ERBB4: variants seen among roughly 807,000 people sequenced by gnomAD.
ERBB4 encodes receptor tyrosine-protein kinase erbB-4.
ERBB4 carries 42 observed loss-of-function variants against 158.0 expected under a neutral mutation model. That is an observed-to-expected ratio of 0.27 (90% CI 0.21 to 0.34). ERBB4 has a LOEUF of 0.34. Ranked by LOEUF, ERBB4 falls within the 10% of genes least tolerant of loss-of-function variation. The pLI, the probability that ERBB4 is intolerant of heterozygous loss-of-function variation, is 1.00. For missense variants in ERBB4, 1,333 were observed against 1,624.1 expected, an observed-to-expected ratio of 0.82 and a Z score of 3.08; for synonymous variants, 583 against 558.7, an observed-to-expected ratio of 1.04 and a Z score of -0.61.
intron 19 of ERBB4, among the ~76,000 whole-genome samples, chr2:211,599,046 G>T (rs13016242): frequency 0.77 from 116,616 of 151,666 alleles, 47,716 homozygotes; most frequent in Non-Finnish European, 0.9. Flanking sequence ...GATTAAACAA[G>T]GTAAGATACA....
At chr2:211,794,199 A>G (rs1411114887) in intron 3 of ERBB4, among the ~76,000 whole-genome samples, 1 of 151,946 alleles carries the variant, frequency 6.6e-6, no homozygotes, top group African/African-American at 2.4e-5. Context: ...TACATACTTC[A>G]GTATCCACTA....
intron 3 of ERBB4, among the ~76,000 whole-genome samples, chr2:211,844,789 A>T (rs2077552374): frequency 6.6e-6 from 1 of 152,196 alleles, no homozygotes; most frequent in Admixed American, 6.6e-5. Context: ...TTTTAAATAC[A>T]ATCTATTGAA....
intron 1 of ERBB4, among the ~76,000 whole-genome samples, chr2:212,519,847 C>G (rs1692054611): frequency 6.6e-6 from 1 of 151,750 alleles, no homozygotes; most frequent in Non-Finnish European, 1.5e-5. Context: ...TTCTAGTGTT[C>G]TGTAGCAATG....
intron 2 of ERBB4, among the ~76,000 whole-genome samples, chr2:212,088,196 G>C (rs2078671969): frequency 6.6e-6 from 1 of 152,034 alleles, no homozygotes; most frequent in Non-Finnish European, 1.5e-5. Flanking sequence ...AGGGCAAATC[G>C]AGCAGTAACA....
Position 212,310,832 on chromosome 2 carries a change from A to T in ERBB4, c.83-185929T>A, listed in dbSNP as rs1034370318. Among the ~76,000 whole-genome samples the T allele has an allele frequency of 2.7e-5, 4 of 150,342 alleles. No individual in the cohort carries two copies. In the Admixed American group the frequency reaches 2.7e-4, roughly 10 times the overall value. ...CAGTGTCTGGTAGAAGTAGAATGTAAAATGTTCTCGCAGTCACCATTTAAA... is the reference window on the plus strand; with the variant it reads ...CAGTGTCTGGTAGAAGTAGAATGTATAATGTTCTCGCAGTCACCATTTAAA... On this transcript the variant is annotated intron_variant, in intron 1 of 27. Transcript: ENST00000342788.
chr2:212,389,885 T>C (rs1233778977), intron 1 of ERBB4, among the ~76,000 whole-genome samples: 2 of 151,778 alleles, frequency 1.3e-5, no homozygotes, highest in Non-Finnish European at 2.9e-5. Context: ...TAAAATGGTA[T>C]AATAACTCAT....
At chr2:211,598,178 T>C (rs887485682) in intron 19 of ERBB4, among the ~76,000 whole-genome samples, 4 of 152,128 alleles carry the variant, frequency 2.6e-5, no homozygotes, top group African/African-American at 9.7e-5. Flanking sequence ...TCCTGTCCCC[T>C]GTCCTTTCAA....
chr2:212,349,997 T>C (rs2089183733), intron 1 of ERBB4, among the ~76,000 whole-genome samples: 1 of 152,234 alleles, frequency 6.6e-6, no homozygotes, highest in East Asian at 1.9e-4. Flanking sequence ...AAGGTAAATA[T>C]AGTTCCTTCC....
At chr2:211,976,186 C>T (rs1393645741) in intron 2 of ERBB4, among the ~76,000 whole-genome samples, 1 of 152,068 alleles carries the variant, frequency 6.6e-6, no homozygotes, top group Non-Finnish European at 1.5e-5. Flanking sequence ...TATATCCAAG[C>T]TGAATCAATT....
rs144911407 is a variant in ERBB4, at chr2:211,470,388, TA to T, written c.2488-39289del. Among the ~76,000 whole-genome samples, 571 of 152,250 alleles carry T rather than the reference TA, an allele frequency of 3.8e-3. 5 individuals carry two copies. The highest frequency in any genetic ancestry group is 0.013 in the African/African-American group (545 of 41,554). On this transcript the variant is annotated intron_variant, in intron 20 of 27. Transcript: ENST00000342788. The stretch of plus-strand genomic sequence containing the variant: ...TCCTACATAATTAGAACTTAAGGTG[TA>T]AAATTGGAACATATTACAGAACAGT...
intron 9 of ERBB4, among the ~76,000 whole-genome samples, chr2:211,710,448 C>T (rs1167253041): frequency 6.6e-6 from 1 of 152,004 alleles, no homozygotes; most frequent in Non-Finnish European, 1.5e-5. Context: ...GAAGAAGCAC[C>T]TAAATATTGT....
chr2:211,848,656 T>C (rs1392670676), intron 3 of ERBB4, among the ~76,000 whole-genome samples: 9 of 152,034 alleles, frequency 5.9e-5, no homozygotes, highest in Non-Finnish European at 1.2e-4. Flanking sequence ...ACCATATTGG[T>C]CTTTGTGGCC....
At chr2:211,763,264 G>A (rs189933426) in intron 4 of ERBB4, among the ~76,000 whole-genome samples, 110 of 152,312 alleles carry the variant, frequency 7.2e-4, no homozygotes, top group Non-Finnish European at 1.4e-3. Context: ...GATAATCTGT[G>A]TGTAGTATGG....
intron 2 of ERBB4, among the ~76,000 whole-genome samples, chr2:212,008,322 A>G (rs1305431063): frequency 1.3e-5 from 2 of 152,094 alleles, no homozygotes; most frequent in Non-Finnish European, 1.5e-5. Flanking sequence ...TTATTTAAGT[A>G]ATCACTCATT....
intron 21 of ERBB4, among the ~76,000 whole-genome samples, chr2:211,430,281 C>CTAGGT: frequency 6.6e-6 from 1 of 151,936 alleles, no homozygotes; most frequent in East Asian, 1.9e-4. Flanking sequence ...TTAGGTTTCA[C>CTAGGT]TAGGTGAAGC....
intron 19 of ERBB4, among the ~76,000 whole-genome samples, chr2:211,592,801 G>A (rs2068515200): frequency 6.6e-6 from 1 of 152,128 alleles, no homozygotes; most frequent in African/African-American, 2.4e-5. Context: ...CATGAGGTCA[G>A]GAGTTTGAGA....
intron 20 of ERBB4, among the ~76,000 whole-genome samples, chr2:211,439,110 T>C (rs987509036): frequency 6.6e-6 from 1 of 151,892 alleles, no homozygotes; most frequent in East Asian, 1.9e-4. Flanking sequence ...GCTGGAAGTT[T>C]TGGCTGTTGA....
At chr2:212,319,504 C>T (rs952658030) in intron 1 of ERBB4, among the ~76,000 whole-genome samples, 1 of 150,474 alleles carries the variant, frequency 6.6e-6, no homozygotes, top group African/African-American at 2.4e-5. Flanking sequence ...TGTAACCTTT[C>T]TAAATGACAT....
intron 25 of ERBB4, among the ~76,000 whole-genome samples, chr2:211,392,557 TCC>T (rs1491327130): frequency 3.9e-5 from 4 of 101,276 alleles, no homozygotes; most frequent in African/African-American, 1.6e-4. Context: ...ACTCTCTTAC[TCC>T]ACACACACAC....
Sources: allele counts gnomAD v4.1 joint callset (sites outside exome capture counted in the v4.1 genomes callset), GRCh38; gene constraint gnomAD v4.1.1; transcripts MANE v1.5; gene names NCBI Gene and HGNC (gene_info 2026-07-23, HGNC 2026-07-21).